Variants in KCNMA1 observed in about 807,000 individuals in gnomAD.
KCNMA1 encodes the protein potassium calcium-activated channel subfamily M alpha 1.
A neutral mutation model predicts 140.0 loss-of-function variants in KCNMA1; 29 were observed. The observed-to-expected ratio is 0.21, with a 90% confidence interval of 0.15 to 0.28. The LOEUF (loss-of-function observed/expected upper bound fraction) is 0.28. Among genes scored for constraint, KCNMA1 ranks in the 10% least tolerant of loss-of-function variants. The probability of loss-of-function intolerance (pLI) is 1.00; values close to 1 mark genes in which losing one functional copy is unlikely to be tolerated. For missense variants in KCNMA1, 880 were observed against 1,602.2 expected (o/e 0.55, Z 7.70); for synonymous variants, 612 against 611.9 (o/e 1.00, Z 0.00).
chr10:77,402,127 T>C (rs1052864640), intron 2 of KCNMA1, among the ~76,000 whole-genome samples: 2 of 152,208 alleles, frequency 1.3e-5, no homozygotes. Context: ...ACCATACATA[T>C]AGAATACACT....
chr10:77,043,468 T>C (rs932725060), intron 14 of KCNMA1, among the ~76,000 whole-genome samples: 5 of 152,184 alleles, frequency 3.3e-5, no homozygotes, highest in Admixed American at 1.3e-4. Flanking sequence ...AGAATTACCA[T>C]TGGATTCATA....
intron 1 of KCNMA1, among the ~76,000 whole-genome samples, chr10:77,536,207 T>A (rs973105281): frequency 5.3e-5 from 8 of 152,076 alleles, no homozygotes; most frequent in Non-Finnish European, 1.2e-4. Context: ...GAAAGGAAAA[T>A]GCACTGGCAT....
chr10:77,375,202 A>T (rs1272027806), intron 2 of KCNMA1, among the ~76,000 whole-genome samples: 1 of 152,220 alleles, frequency 6.6e-6, no homozygotes, highest in African/African-American at 2.4e-5. Flanking sequence ...ACTGGGTATG[A>T]GCAAGGGTAG....
intron 29 of KCNMA1, chr10:76,877,962 T>A: frequency 5.4e-6 from 8 of 1,485,418 alleles, no homozygotes; most frequent in Non-Finnish European, 7.4e-6. Flanking sequence ...GGGTAAAGCC[T>A]TTGGAAAGTT....
intron 25 of KCNMA1, among the ~76,000 whole-genome samples, chr10:76,896,364 C>G (rs1374362430): frequency 1.3e-5 from 2 of 152,150 alleles, no homozygotes; most frequent in Non-Finnish European, 2.9e-5. Context: ...GGTTATCTCC[C>G]TTGTTCCCTG....
chr10:77,607,448 C>A (rs1004798891), intron 1 of KCNMA1, among the ~76,000 whole-genome samples: 9 of 152,130 alleles, frequency 5.9e-5, no homozygotes, highest in Non-Finnish European at 1.2e-4. Context: ...TTAACTGGCA[C>A]AAGGGACTCT....
In KCNMA1 at chr10:76,949,202, A is replaced by C; in HGVS notation, c.2649T>G (p.Ile883Met). ...ELKHIVFVGS[I>M]EYLKREWETL... ...TCTCCCATTCCCGCTTGAGGTACTC[A>C]ATAGAGCCCACAAACACAATGTGCT... The change falls in exon 22 of 28, where the codon ATT becomes ATG. Residue 883 changes from isoleucine (I) to methionine (M), a missense_variant. Physicochemically the swap from Ile to Met is conservative, Grantham distance 10 (BLOSUM62 1). Transcript: ENST00000286628. 1 of 1,614,240 alleles carries C rather than the reference A, an allele frequency of 6.2e-7. No homozygotes were observed. Among genetic ancestry groups the C allele is most frequent in the Non-Finnish European group, 8.5e-7 (1 of 1,180,032 alleles).
rs111995710 is a variant in KCNMA1 at position 77,366,192 on chromosome 10, A to G, written c.540+37670T>C. On this transcript the variant is annotated intron_variant, in intron 2 of 27. Coordinates refer to ENST00000286628, the MANE Select transcript of KCNMA1 (RefSeq NM_001161352.2). Reference sequence around the variant, plus strand: ...TTCCTTTCTTTCTATTTTTGAGATCACGTTTCTGTCTTGTCACCCATGCTG... The same window carrying G: ...TTCCTTTCTTTCTATTTTTGAGATCGCGTTTCTGTCTTGTCACCCATGCTG... 5.9e-3 allele frequency among the ~76,000 whole-genome samples: 834 copies of G among 140,678 alleles called. 7 individuals carry two copies. The highest frequency in any genetic ancestry group is 0.018 in the African/African-American group (693 of 37,506). 92.3% of individuals were successfully genotyped at this position (140,678 alleles called of 152,430 possible).
At chr10:77,578,421 T>C (rs2074897684) in intron 1 of KCNMA1, among the ~76,000 whole-genome samples, 1 of 152,104 alleles carries the variant, frequency 6.6e-6, no homozygotes, top group African/African-American at 2.4e-5. Context: ...ATCCCAGACA[T>C]CTCACAGATC....
rs897379162 is a variant in KCNMA1, at chr10:76,910,236, T to G, written c.3017-140A>C. 15 of 915,408 alleles carry G rather than the reference T, an allele frequency of 1.6e-5. No individual in the cohort carries two copies. In the Middle Eastern group the frequency reaches 1.3e-3, roughly 78 times the overall value. 56.7% of individuals were successfully genotyped at this position (915,408 alleles called of 1,614,324 possible). A position where few individuals can be genotyped will look rare whatever the true frequency, so the allele number is the denominator to read the frequency against. On this transcript the variant is annotated intron_variant, in intron 24 of 27. Transcript: ENST00000286628. ...GCATGGAATAAGCTGTAGATGGATC[T>G]TTGGGTAAGGGGGGCAGTGGGACTC... is the stretch of plus-strand genomic sequence containing the variant.
intron 1 of KCNMA1, among the ~76,000 whole-genome samples, chr10:77,609,824 T>C (rs895094057): frequency 6.6e-6 from 1 of 151,876 alleles, no homozygotes; most frequent in Non-Finnish European, 1.5e-5. Flanking sequence ...GGCTCAAGTT[T>C]CAAAAACACA....
intron 25 of KCNMA1, among the ~76,000 whole-genome samples, chr10:76,906,164 C>G (rs753521658): frequency 9.2e-5 from 14 of 152,124 alleles, no homozygotes; most frequent in Admixed American, 2.0e-4. Flanking sequence ...ATTCACTTTT[C>G]AGGGTCCAAG....
intron 23 of KCNMA1, among the ~76,000 whole-genome samples, chr10:76,922,974 C>A (rs1225894662): frequency 6.6e-6 from 1 of 152,146 alleles, no homozygotes; most frequent in Non-Finnish European, 1.5e-5. Flanking sequence ...TGGCTTAATA[C>A]TCTCCTTGTT....
At chr10:77,017,915 C>A (rs1320601620) in intron 17 of KCNMA1, among the ~76,000 whole-genome samples, 2 of 152,064 alleles carry the variant, frequency 1.3e-5, no homozygotes, top group Admixed American at 6.6e-5. Flanking sequence ...GAACCTAGTA[C>A]CTAGAATAGT....
chr10:76,981,233 C>T (rs2079329874), intron 19 of KCNMA1, among the ~76,000 whole-genome samples: 1 of 152,164 alleles, frequency 6.6e-6, no homozygotes, highest in Admixed American at 6.5e-5. Flanking sequence ...ATTCCCACCC[C>T]CACCTGACCC....
At chr10:77,623,430 T>G (rs1567935641) in intron 1 of KCNMA1, among the ~76,000 whole-genome samples, 1 of 152,052 alleles carries the variant, frequency 6.6e-6, no homozygotes, top group Non-Finnish European at 1.5e-5. Context: ...GTGCAGTGGC[T>G]CACACCTGTA....
intron 2 of KCNMA1, among the ~76,000 whole-genome samples, chr10:77,353,797 C>T (rs2093168181): frequency 6.6e-6 from 1 of 152,122 alleles, no homozygotes; most frequent in Non-Finnish European, 1.5e-5. Context: ...AACGCAATTA[C>T]CTGAATGACA....
chr10:77,469,019 C>G (rs1325727065), intron 1 of KCNMA1, among the ~76,000 whole-genome samples: 1 of 152,144 alleles, frequency 6.6e-6, no homozygotes, highest in African/African-American at 2.4e-5. Flanking sequence ...ATCCCCACCA[C>G]CCTCCCCGAC....
intron 3 of KCNMA1, among the ~76,000 whole-genome samples, chr10:77,208,018 C>G (rs2044704925): frequency 6.6e-6 from 1 of 152,246 alleles, no homozygotes; most frequent in Non-Finnish European, 1.5e-5. Context: ...CTTTTGTCCT[C>G]ATTTGGAAAA....
Sources: allele counts gnomAD v4.1 joint callset (sites outside exome capture counted in the v4.1 genomes callset), GRCh38; gene constraint gnomAD v4.1.1; transcripts MANE v1.5; gene names NCBI Gene and HGNC (gene_info 2026-07-23, HGNC 2026-07-21).